The following SUGT1 variants were observed in gnomAD, a reference collection of about 807,000 sequenced individuals.
The protein encoded by SUGT1 is protein SGT1 homolog.
A neutral mutation model predicts 56.1 loss-of-function variants in SUGT1; 15 were observed. That is an observed-to-expected ratio of 0.27 (90% confidence interval 0.18 to 0.41). The LOEUF (loss-of-function observed/expected upper bound fraction) is 0.41. SUGT1 is among the 10% of genes least tolerant of loss of function. SUGT1 has a pLI of 1.00. For missense variants in SUGT1, 347 were observed against 382.2 expected (o/e 0.91, Z 0.77); for synonymous variants, 123 against 128.6 (o/e 0.96, Z 0.30).
At chr13:52,662,494 A>G (rs1962501974) in intron 5 of SUGT1, among the ~76,000 whole-genome samples, 155 bp from the exon 6 acceptor site, 1 of 152,228 alleles carries the variant, frequency 6.6e-6, no homozygotes, top group Non-Finnish European at 1.5e-5. Flanking sequence ...TAACTATAGT[A>G]GAGTTGGTGA....
intron 10 of SUGT1, among the ~76,000 whole-genome samples, chr13:52,674,199 A>G (rs1362850207): frequency 6.6e-6 from 1 of 151,682 alleles, no homozygotes; most frequent in Non-Finnish European, 1.5e-5. Flanking sequence ...CTACAGTCAC[A>G]TGCCACTATG....
intron 12 of SUGT1, among the ~76,000 whole-genome samples, chr13:52,680,769 TTTAG>T (rs1323827242): frequency 1.3e-5 from 2 of 152,224 alleles, no homozygotes; most frequent in African/African-American, 2.4e-5. Context: ...TAATTTAATA[TTTAG>T]TTAATGTGGT....
intron 8 of SUGT1, 132 bp downstream of exon 8, chr13:52,664,189 T>C (rs1238530890): frequency 3.4e-6 from 3 of 891,450 alleles, no homozygotes; most frequent in Non-Finnish European, 3.4e-6. Context: ...AATTGTGTAA[T>C]AGCTTTATGT....
chr13:52,686,910 A>G (rs1594260761), intron 12 of SUGT1, among the ~76,000 whole-genome samples: 1 of 151,986 alleles, frequency 6.6e-6, no homozygotes, highest in Middle Eastern at 3.4e-3. Context: ...TGTCTCTACT[A>G]AAAATACAAA....
rs183356772 is a variant in SUGT1, at chr13:52,691,610, C to A, written c.*3775C>A. 1 of 152,188 alleles carries A rather than the reference C, an allele frequency of 6.6e-6. No homozygotes were observed. The highest frequency in any genetic ancestry group is 1.9e-4 in the East Asian group (1 of 5,178). 9.4% of individuals were successfully genotyped at this position (152,188 alleles called of 1,614,324 possible). A position where few individuals can be genotyped will look rare whatever the true frequency, so the allele number is the denominator to read the frequency against. On this transcript the variant is annotated 3_prime_UTR_variant, in exon 13 of 13. Transcript: ENST00000310528. ...ACTGACATTTCCAAAAAAAGGTAGA[C>A]GGTTTCTAGGTGGTGTGTGTTTTTG...
chr13:52,672,340 G>A (rs1050902962), intron 10 of SUGT1, among the ~76,000 whole-genome samples: 2 of 152,156 alleles, frequency 1.3e-5, no homozygotes, highest in African/African-American at 2.4e-5. Context: ...AACAGAGGCT[G>A]TGTCCTTATG....
chr13:52,687,306 T>C (rs1963634343), intron 12 of SUGT1: 1 of 152,176 alleles, frequency 6.6e-6, no homozygotes, highest in South Asian at 2.1e-4. Context: ...CTTCAAGTTC[T>C]CTTCAGCTGG....
At chr13:52,684,401 G>A (rs1048926448) in intron 12 of SUGT1, among the ~76,000 whole-genome samples, 7 of 93,922 alleles carry the variant, frequency 7.5e-5, no homozygotes, top group Non-Finnish European at 1.1e-4. Context: ...TCTTTGTTTC[G>A]TTTTTTCCTC....
At chr13:52,655,544 G>A (rs1962123346) in intron 2 of SUGT1, among the ~76,000 whole-genome samples, 2 of 152,188 alleles carry the variant, frequency 1.3e-5, no homozygotes, top group African/African-American at 2.4e-5. Flanking sequence ...ATGAATATTT[G>A]CATGTAGGGC....
intron 12 of SUGT1, among the ~76,000 whole-genome samples, chr13:52,685,256 C>CTTTTTT (rs59104304): frequency 2.3e-5 from 2 of 87,734 alleles, no homozygotes; most frequent in South Asian, 3.7e-4. Flanking sequence ...TCTTCTTCTT[C>CTTTTTT]TTTTTTTTTT....
intron 5 of SUGT1, 90 bp from the exon 6 acceptor site, chr13:52,662,555 AACAC>A: frequency 1.9e-5 from 26 of 1,338,304 alleles, no homozygotes; most frequent in South Asian, 1.6e-4. Flanking sequence ...CAGTGCCTAG[AACAC>A]TGCCTGGGAT....
intron 10 of SUGT1, among the ~76,000 whole-genome samples, chr13:52,671,339 T>A (rs189558377): frequency 1.3e-5 from 2 of 152,062 alleles, no homozygotes; most frequent in African/African-American, 4.8e-5. Context: ...TTACATAATT[T>A]TTAAACAGCT....
intron 10 of SUGT1, among the ~76,000 whole-genome samples, chr13:52,675,422 A>G (rs1210215484): frequency 6.6e-6 from 1 of 152,108 alleles, no homozygotes; most frequent in African/African-American, 2.4e-5. Flanking sequence ...AAAAATTTTA[A>G]AAACATTAGC....
chr13:52,665,790 A>T (rs1474452484), intron 9 of SUGT1, 57 bp downstream of exon 9: 3 of 1,146,116 alleles, frequency 2.6e-6, no homozygotes, highest in Non-Finnish European at 3.8e-6. Flanking sequence ...AATTTAGTAT[A>T]TTGCAGAATA....
chr13:52,667,032 G>C (rs777346540), intron 10 of SUGT1, 113 bp downstream of exon 10: 21 of 664,234 alleles, frequency 3.2e-5, no homozygotes, highest in Non-Finnish European at 4.5e-5. Context: ...CCTTTAACAG[G>C]GACAAGAAAA....
rs1426098903 is a variant in SUGT1, at chr13:52,689,022, C to T, written c.*1187C>T. ...TGTTGGTCTCAGCTCTGTTAGGTGTCACTAACATTTTTATGGCAAAGCACT... is the reference window on the plus strand; with the variant it reads ...TGTTGGTCTCAGCTCTGTTAGGTGTTACTAACATTTTTATGGCAAAGCACT... On this transcript the variant is annotated 3_prime_UTR_variant, in exon 13 of 13. Coordinates refer to ENST00000310528, the MANE Select transcript of SUGT1 (RefSeq NM_006704.5). 2 of 152,116 alleles carry T rather than the reference C, an allele frequency of 1.3e-5. No homozygotes were observed. The highest frequency in any genetic ancestry group is 2.9e-5 in the Non-Finnish European group (2 of 68,032). 9.4% of individuals were successfully genotyped at this position (152,116 alleles called of 1,614,324 possible).
In SUGT1 at chr13:52,690,113, C is replaced by A. The variant is rs1187250139; in HGVS notation, c.*2278C>A. On this transcript the variant is annotated 3_prime_UTR_variant, in exon 13 of 13. Coordinates refer to ENST00000310528, the MANE Select transcript of SUGT1 (RefSeq NM_006704.5). ...GCTGGTCTGAAGGGAGTTTGTAAAACACATGACTGAAAGCATTATAAAACA... is the reference window on the plus strand; with the variant it reads ...GCTGGTCTGAAGGGAGTTTGTAAAAAACATGACTGAAAGCATTATAAAACA... 6.6e-6 allele frequency: 1 copy of A among 152,066 alleles called. No individual in the cohort carries two copies. The highest frequency in any genetic ancestry group is 2.4e-5 in the African/African-American group (1 of 41,408). The allele number at this position is 152,066 out of a possible 1,614,324, so 9.4% of individuals were successfully genotyped here.
intron 2 of SUGT1, among the ~76,000 whole-genome samples, chr13:52,657,093 C>T (rs1962202253): frequency 6.6e-6 from 1 of 152,178 alleles, no homozygotes; most frequent in Non-Finnish European, 1.5e-5. Context: ...TTGTCTTAAC[C>T]TCCCTGAGTG....
At position 52,687,826 on chromosome 13, in the gene SUGT1, A is replaced by G. The variant is rs1594261910; in HGVS notation, c.993A>G (p.Lys331=). ...EINPPDDMEW[K]KY is the part of the protein sequence containing the mutation. ...ATCCTCCTGATGATATGGAATGGAAAAAGTACTAAATAAATTAATTTGCTC... is the reference window on the plus strand; with the variant it reads ...ATCCTCCTGATGATATGGAATGGAAGAAGTACTAAATAAATTAATTTGCTC... The change falls in exon 13 of 13, where the codon AAA becomes AAG. Residue 331 remains lysine, a synonymous_variant. Coordinates refer to ENST00000310528, the MANE Select transcript of SUGT1 (RefSeq NM_006704.5). 6.3e-7 allele frequency: 1 copy of G among 1,597,474 alleles called. No homozygotes were observed. Among genetic ancestry groups the G allele is most frequent in the Admixed American group, 1.7e-5 (1 of 57,380 alleles).
Sources: allele counts gnomAD v4.1 joint callset (sites outside exome capture counted in the v4.1 genomes callset), GRCh38; gene constraint gnomAD v4.1.1; transcripts MANE v1.5; gene names NCBI Gene and HGNC (gene_info 2026-07-23, HGNC 2026-07-21).